Variants in TRDN observed in about 807,000 individuals in gnomAD.
TRDN encodes triadin in skeletal muscle.
TRDN carries 161 observed loss-of-function variants against 149.7 expected under a neutral mutation model. The ratio of observed to expected loss-of-function variants is 1.08; its 90% CI spans 0.95 to 1.23. The LOEUF is 1.23. Among genes scored for constraint, TRDN ranks in the 50% most tolerant of loss-of-function variants. TRDN has a pLI of 0.00. For missense variants in TRDN, 896 were observed against 823.5 expected (o/e 1.09, Z -1.08); for synonymous variants, 294 against 250.5 (o/e 1.17, Z -1.64).
At chr6:123,431,115 C>G (rs969705558) in intron 12 of TRDN, among the ~76,000 whole-genome samples, 1 of 152,162 alleles carries the variant, frequency 6.6e-6, no homozygotes, top group Admixed American at 6.5e-5. Flanking sequence ...CAAAGCCCTT[C>G]GAGCATAGCC....
At chr6:123,380,379 C>A (rs987760771) in intron 16 of TRDN, among the ~76,000 whole-genome samples, 1 of 152,194 alleles carries the variant, frequency 6.6e-6, no homozygotes, top group Non-Finnish European at 1.5e-5. Flanking sequence ...CATTTTCCTG[C>A]TGGTGCAGCG....
At chr6:123,414,176 A>C (rs1349735482) in intron 12 of TRDN, among the ~76,000 whole-genome samples, 1 of 31,016 alleles carries the variant, frequency 3.2e-5, no homozygotes, top group Non-Finnish European at 5.3e-5. Context: ...TGCATTTAGC[A>C]TTCCTTTAAG....
intron 5 of TRDN, among the ~76,000 whole-genome samples, chr6:123,518,165 C>G (rs1779503404): frequency 6.6e-6 from 1 of 151,936 alleles, no homozygotes; most frequent in Admixed American, 6.6e-5. Flanking sequence ...TAATCAAAAC[C>G]TAATGAGAAA....
chr6:123,442,545 CAAAAAAA>C (rs1434202710), intron 10 of TRDN, among the ~76,000 whole-genome samples: 1 of 36,432 alleles, frequency 2.7e-5, no homozygotes, highest in Non-Finnish European at 5.8e-5. Flanking sequence ...GACTCCGTCT[CAAAAAAA>C]AAAAAAAAAG....
chr6:123,425,906 T>TATCA (rs922351600), intron 12 of TRDN, among the ~76,000 whole-genome samples: 9 of 151,962 alleles, frequency 5.9e-5, no homozygotes, highest in African/African-American at 2.2e-4. Context: ...TCTATCTATC[T>TATCA]ATCATCTATC....
chr6:123,393,309 C>T (rs908524688), intron 13 of TRDN, among the ~76,000 whole-genome samples: 2 of 151,988 alleles, frequency 1.3e-5, no homozygotes, highest in Non-Finnish European at 2.9e-5. Context: ...TATTTTATAT[C>T]TGTATTTGTA....
chr6:123,258,627 G>A (rs148778694), intron 35 of TRDN, among the ~76,000 whole-genome samples: 1 of 152,110 alleles, frequency 6.6e-6, no homozygotes, highest in African/African-American at 2.4e-5. Context: ...CCAGGTTTTG[G>A]TGTAAGGTTG....
rs1779784983 is a variant in TRDN, at chr6:123,334,355, C to T, written c.1421-2426G>A. On this transcript the variant is annotated intron_variant, in intron 22 of 40. Coordinates refer to ENST00000334268, the MANE Select transcript of TRDN (RefSeq NM_006073.4). ...TTGTATTACTCCAATAACAGAGAAA[C>T]CTAAAAGTGCTATTATTTTGTTCTC... 2.0e-5 allele frequency among the ~76,000 whole-genome samples: 3 copies of T among 151,976 alleles called. No individual in the cohort carries two copies. In the South Asian group the frequency reaches 6.2e-4, roughly 32 times the overall value.
At chr6:123,239,614 G>C (rs1279527201) in intron 38 of TRDN, among the ~76,000 whole-genome samples, 1 of 151,942 alleles carries the variant, frequency 6.6e-6, no homozygotes, top group African/African-American at 2.4e-5. Flanking sequence ...CATAGGTTTA[G>C]AAATTTTAAA....
intron 38 of TRDN, among the ~76,000 whole-genome samples, chr6:123,236,911 T>C (rs1775808108): frequency 7.0e-6 from 1 of 143,076 alleles, no homozygotes; most frequent in South Asian, 2.1e-4. Context: ...GTTTTAGCTA[T>C]TGTAAAAGAG....
rs535346946 is a variant in TRDN, at chr6:123,221,861, T to C, written c.2015-339A>G. ...AGAAGGGATCTTTGATGCTCAGAAT[T>C]ACAATTTGGTAAGGGTAAAATCTGG... On this transcript the variant is annotated intron_variant, in intron 39 of 40. Coordinates refer to ENST00000334268, the MANE Select transcript of TRDN (RefSeq NM_006073.4). 2.0e-5 allele frequency among the ~76,000 whole-genome samples: 3 copies of C among 151,862 alleles called. No homozygotes were observed. In the South Asian group the frequency reaches 6.2e-4, roughly 31 times the overall value.
At chr6:123,533,045 CA>C (rs5879686) in intron 4 of TRDN, among the ~76,000 whole-genome samples, 38,614 of 151,774 alleles carry the variant, frequency 0.25, 5,286 homozygotes, top group Non-Finnish European at 0.3. Context: ...GTCCATAAAG[CA>C]AGTAAAATAT....
intron 36 of TRDN, 109 bp downstream of exon 36, chr6:123,255,758 T>C (rs1402922519): frequency 6.9e-6 from 4 of 576,140 alleles, no homozygotes. Flanking sequence ...CTAACACTCA[T>C]CACATACATT....
At position 123,574,857 on chromosome 6, in the gene TRDN, C is replaced by CATATATATATATATAT. The variant is rs1162190609; in HGVS notation, c.23-3741_23-3726dup. 3.0e-4 allele frequency among the ~76,000 whole-genome samples: 15 copies of CATATATATATATATAT among 50,562 alleles called. 1 individual carries two copies. Among genetic ancestry groups the CATATATATATATATAT allele is most frequent in the Non-Finnish European group, 3.3e-4 (9 of 27,346 alleles). 33.2% of individuals were successfully genotyped at this position (50,562 alleles called of 152,430 possible). A position where few individuals can be genotyped will look rare whatever the true frequency, so the allele number is the denominator to read the frequency against. On this transcript the variant is annotated intron_variant, in intron 1 of 40. Coordinates refer to ENST00000334268, the MANE Select transcript of TRDN (RefSeq NM_006073.4). Reference sequence around the variant, plus strand: ...AAAACAGAACATGAATTTATATATACATATATATATATATATATATATATA... The same window carrying CATATATATATATATAT: ...AAAACAGAACATGAATTTATATATACATATATATATATATATATATATATATATATATATATATATA...
intron 12 of TRDN, among the ~76,000 whole-genome samples, chr6:123,401,990 G>A (rs901303926): frequency 6.6e-6 from 1 of 151,258 alleles, no homozygotes; most frequent in Non-Finnish European, 1.5e-5. Flanking sequence ...ATAAGGTGTA[G>A]AGCCACAAAG....
At chr6:123,605,441 A>C (rs973923768) in intron 1 of TRDN, among the ~76,000 whole-genome samples, 1 of 151,782 alleles carries the variant, frequency 6.6e-6, no homozygotes, top group Non-Finnish European at 1.5e-5. Context: ...CAGATGTGTA[A>C]GATGATTCAT....
chr6:123,529,951 C>T (rs928666762), intron 5 of TRDN, among the ~76,000 whole-genome samples: 1 of 152,004 alleles, frequency 6.6e-6, no homozygotes, highest in African/African-American at 2.4e-5. Flanking sequence ...TAATTTGCTT[C>T]TGCTGCAAGA....
intron 19 of TRDN, among the ~76,000 whole-genome samples, chr6:123,373,627 C>A (rs1395650503): frequency 6.6e-6 from 1 of 152,166 alleles, no homozygotes; most frequent in Non-Finnish European, 1.5e-5. Context: ...TTAATCCAGT[C>A]TTAATGACAA....
At chr6:123,545,529 C>A (rs1009609405) in intron 4 of TRDN, among the ~76,000 whole-genome samples, 1 of 151,782 alleles carries the variant, frequency 6.6e-6, no homozygotes, top group African/African-American at 2.4e-5. Context: ...CAAGATAGAG[C>A]ATCTGAGATT....
Sources: gnomAD v4.1 joint callset for allele counts (sites outside exome capture counted in the v4.1 genomes callset) on GRCh38, gnomAD v4.1.1 for gene constraint, MANE v1.5 for transcripts, NCBI Gene and HGNC (gene_info 2026-07-23, HGNC 2026-07-21) for gene names.